SNPH: variants seen among roughly 807,000 people sequenced by gnomAD.
SNPH encodes syntaphilin.
A neutral mutation model predicts 36.8 loss-of-function variants in SNPH; 10 were observed. The observed-to-expected ratio is 0.27, with a 90% CI of 0.17 to 0.46. The LOEUF (loss-of-function observed/expected upper bound fraction) is 0.46, where lower values mean the gene tolerates loss of function less well. Among genes scored for constraint, SNPH ranks in the 20% least tolerant of loss-of-function variants. The pLI is 1.00. For missense variants in SNPH, 622 were observed against 744.0 expected (o/e 0.84, Z 1.91); for synonymous variants, 281 against 312.2 (o/e 0.90, Z 1.05).
intron 2 of SNPH, among the ~76,000 whole-genome samples, chr20:1,281,482 T>C (rs2088222401): frequency 6.6e-6 from 1 of 152,232 alleles, no homozygotes; most frequent in Non-Finnish European, 1.5e-5. Context: ...TTTTTTCTGC[T>C]GGCTCAGCCC....
At position 1,304,954 on chromosome 20, in the gene SNPH, G is replaced by T. The variant is rs779162332; in HGVS notation, c.517G>T (p.Val173Leu). 1.9e-6 allele frequency: 3 copies of T among 1,613,880 alleles called. No individual in the cohort carries two copies. The highest frequency in any genetic ancestry group is 1.1e-5 in the South Asian group (1 of 91,086). The change falls in exon 7 of 7, where the codon GTG (valine) becomes TTG (leucine). Residue 173 changes from valine to leucine, a missense_variant. Val to Leu is a conservative substitution (Grantham distance 32). Coordinates refer to ENST00000381867, the MANE Select transcript of SNPH (RefSeq NM_001318234.2). This position sits in a 1 kb window ranked among gnomAD's most constrained non-coding sequence, Gnocchi z 4.3. ...EDWIEEECHR[V>L]EAQLALKEAR... ...CTGGATTGAGGAGGAGTGCCACCGC[G>T]TGGAGGCCCAGCTGGCCCTGAAGGA... is the stretch of plus-strand genomic sequence containing the variant.
chr20:1,266,479 T>C lies in SNPH; in HGVS notation c.-600+82T>C. 1.1e-6 allele frequency: 1 copy of C among 916,146 alleles called. No homozygotes were observed. The highest frequency in any genetic ancestry group is 1.5e-6 in the Non-Finnish European group (1 of 664,472). 56.8% of individuals were successfully genotyped at this position (916,146 alleles called of 1,614,324 possible). A position where few individuals can be genotyped will look rare whatever the true frequency, so the allele number is the denominator to read the frequency against. On this transcript the variant is annotated intron_variant, in intron 1 of 6. Coordinates refer to ENST00000381867, the MANE Select transcript of SNPH (RefSeq NM_001318234.2). The surrounding 1 kb of genome is among the most constrained non-coding windows in gnomAD (Gnocchi z 6.0). ...GTCCAGAGTGCCGAGTGCCAGGGGG[T>C]GGGGTGGGGGCCGCGGGCCGCGAGG...
chr20:1,300,769 A>G, intron 6 of SNPH, 58 bp downstream of exon 6: 2 of 1,536,012 alleles, frequency 1.3e-6, no homozygotes, highest in Non-Finnish European at 1.8e-6. Flanking sequence ...CACTCAGGGA[A>G]ACCAGGGCTC....
intron 5 of SNPH, 83 bp from the exon 6 acceptor site, chr20:1,300,479 T>TCA: frequency 4.8e-6 from 7 of 1,465,436 alleles, no homozygotes; most frequent in Non-Finnish European, 6.6e-6. Flanking sequence ...GTGAGGCTGG[T>TCA]GTCCCCTTGC....
chr20:1,283,849 C>G (rs917875706), intron 2 of SNPH, among the ~76,000 whole-genome samples: 5 of 152,142 alleles, frequency 3.3e-5, no homozygotes, highest in African/African-American at 9.7e-5. Flanking sequence ...GAGGAGAAGG[C>G]CCTAAGTTTG....
chr20:1,275,327 A>G (rs1474604052), intron 2 of SNPH, among the ~76,000 whole-genome samples: 2 of 152,184 alleles, frequency 1.3e-5, no homozygotes, highest in Non-Finnish European at 2.9e-5. Flanking sequence ...AGCCTGGTAT[A>G]TAGCAGATGT....
intron 2 of SNPH, among the ~76,000 whole-genome samples, chr20:1,288,627 C>CT (rs1316952309): frequency 1.2e-4 from 17 of 146,410 alleles, no homozygotes; most frequent in Middle Eastern, 3.6e-3. Context: ...TTCTTTTTTT[C>CT]TTTTTTTTTT....
chr20:1,303,321 C>T (rs971688365), intron 6 of SNPH, among the ~76,000 whole-genome samples: 29 of 152,232 alleles, frequency 1.9e-4, no homozygotes, highest in Admixed American at 1.6e-3. Flanking sequence ...CCCACTGAGG[C>T]GTGGACAGGG....
rs1244498194 is a variant in SNPH, at chr20:1,308,029, G to A, written c.*1975G>A. The A allele has an allele frequency of 6.5e-6, 1 of 152,696 alleles. No homozygotes were observed. Among genetic ancestry groups the A allele is most frequent in the Non-Finnish European group, 1.5e-5 (1 of 68,092 alleles). The allele number at this position is 152,696 out of a possible 1,614,324, so 9.5% of individuals were successfully genotyped here. The stretch of plus-strand genomic sequence containing the variant: ...AGCTTTGCCGAGAAAAGAAATGTAT[G>A]AACTATATTTGACAACATAAAATCT... On this transcript the variant is annotated 3_prime_UTR_variant, in exon 7 of 7. Coordinates refer to ENST00000381867, the MANE Select transcript of SNPH (RefSeq NM_001318234.2).
intron 2 of SNPH, among the ~76,000 whole-genome samples, chr20:1,277,549 G>T (rs1251586171): frequency 4.2e-5 from 1 of 24,048 alleles, no homozygotes; most frequent in African/African-American, 1.1e-4. Flanking sequence ...GTGTCTGTGT[G>T]TGTATCTGTG....
At chr20:1,299,740 G>T (rs925174307) in intron 5 of SNPH, among the ~76,000 whole-genome samples, 1 of 152,218 alleles carries the variant, frequency 6.6e-6, no homozygotes, top group African/African-American at 2.4e-5. Flanking sequence ...GTGTGAACAT[G>T]TGCCTGGGCT....
chr20:1,274,845 A>G (rs2088112248), intron 2 of SNPH, among the ~76,000 whole-genome samples: 1 of 152,116 alleles, frequency 6.6e-6, no homozygotes, highest in African/African-American at 2.4e-5. Context: ...GTCTTTCCCA[A>G]AGCCTCATTA....
At chr20:1,274,625 C>T (rs532631099) in intron 2 of SNPH, among the ~76,000 whole-genome samples, 4 of 152,124 alleles carry the variant, frequency 2.6e-5, no homozygotes, top group Admixed American at 2.0e-4. Flanking sequence ...GAAGGCTTCC[C>T]GGAGGAAGAG....
intron 2 of SNPH, among the ~76,000 whole-genome samples, chr20:1,293,997 G>A (rs1202281777): frequency 6.6e-6 from 1 of 152,204 alleles, no homozygotes; most frequent in African/African-American, 2.4e-5. Context: ...CACTGGCTTG[G>A]AAGAGCCCAT....
chr20:1,299,572 T>C (rs746716797), intron 5 of SNPH, among the ~76,000 whole-genome samples: 10 of 152,150 alleles, frequency 6.6e-5, no homozygotes, highest in Non-Finnish European at 1.5e-4. Context: ...GGAAATTCCT[T>C]CTCCTTTGCC....
intron 2 of SNPH, among the ~76,000 whole-genome samples, chr20:1,282,963 AG>A (rs2088243586): frequency 6.6e-6 from 1 of 152,136 alleles, no homozygotes; most frequent in African/African-American, 2.4e-5. Context: ...GGGGAGTGAG[AG>A]GGACACCTGA....
At chr20:1,303,906 G>T (rs1351626461) in intron 6 of SNPH, among the ~76,000 whole-genome samples, 1 of 152,088 alleles carries the variant, frequency 6.6e-6, no homozygotes, top group African/African-American at 2.4e-5. Flanking sequence ...CCCAGGACAG[G>T]GTTTGACGTC....
At chr20:1,302,598 A>G (rs1247812191) in intron 6 of SNPH, among the ~76,000 whole-genome samples, 8 of 151,438 alleles carry the variant, frequency 5.3e-5, no homozygotes, top group South Asian at 4.2e-4. Flanking sequence ...TATCACCTCA[A>G]AATAAACCCC....
chr20:1,295,601 C>T (rs527776657), intron 3 of SNPH, among the ~76,000 whole-genome samples, 175 bp from the exon 4 acceptor site: 3 of 152,362 alleles, frequency 2.0e-5, no homozygotes, highest in East Asian at 1.9e-4. Context: ...CGCATGGGTG[C>T]GGGAGGACCT....
Sources: allele counts gnomAD v4.1 joint callset (sites outside exome capture counted in the v4.1 genomes callset), GRCh38; gene constraint gnomAD v4.1.1; non-coding constraint Gnocchi (gnomAD v3.1); transcripts MANE v1.5; gene names NCBI Gene and HGNC (gene_info 2026-07-23, HGNC 2026-07-21).